Variants in NME8 observed in about 807,000 individuals in gnomAD.
NME8 encodes protein NME8.
A neutral mutation model predicts 82.3 loss-of-function variants in NME8; 72 were observed. The ratio of observed to expected loss-of-function variants is 0.87; its 90% CI spans 0.72 to 1.06. The LOEUF (loss-of-function observed/expected upper bound fraction) is 1.06, where lower values mean the gene tolerates loss of function less well. Ranked by LOEUF, NME8 falls within the 50% of genes least tolerant of loss-of-function variation. NME8 has a pLI of 0.00. For missense variants in NME8, 712 were observed against 685.4 expected (o/e 1.04, Z -0.43); for synonymous variants, 267 against 228.5 (o/e 1.17, Z -1.52).
intron 11 of NME8, among the ~76,000 whole-genome samples, chr7:37,870,504 G>A (rs10263958): frequency 0.44 from 65,333 of 149,850 alleles, 14,727 homozygotes; most frequent in Non-Finnish European, 0.5. Context: ...CAGGAGAATC[G>A]CTTGAACCTG....
intron 12 of NME8, among the ~76,000 whole-genome samples, chr7:37,882,604 AGAGAGAGAG>A (rs1562838288): frequency 0.076 from 3,953 of 52,286 alleles, 102 homozygotes; most frequent in Non-Finnish European, 0.12. Context: ...AGAAAGAGAG[AGAGAGAGAG>A]AGAAAGAAAG....
rs6954013 is a variant in NME8 at position 37,857,596 on chromosome 7, A to C, written c.270+251A>C. 0.67 allele frequency among the ~76,000 whole-genome samples: 102,635 copies of C among 152,088 alleles called. 34,747 individuals are homozygous for C. Among genetic ancestry groups the C allele is most frequent in the Non-Finnish European group, 0.7 (47,605 of 67,970 alleles). ...AGTAAGATGGCGTTTATCTTTACTA[A>C]GGAAATGATCGGAGATTTGCACAAT... On this transcript the variant is annotated intron_variant, in intron 6 of 17. Coordinates refer to ENST00000199447, the MANE Select transcript of NME8 (RefSeq NM_016616.5).
At chr7:37,858,454 CGTT>C (rs1784545056) in intron 6 of NME8, among the ~76,000 whole-genome samples, 2 of 152,030 alleles carry the variant, frequency 1.3e-5, no homozygotes, top group Admixed American at 1.3e-4. Context: ...GGTCAGCTAA[CGTT>C]GTTTTTGTTG....
intron 15 of NME8, among the ~76,000 whole-genome samples, chr7:37,892,349 T>G (rs566334633): frequency 1.1e-3 from 168 of 151,784 alleles, no homozygotes; most frequent in Non-Finnish European, 1.5e-3. Context: ...TTTTTTTTTC[T>G]TAGGGATTTC....
chr7:37,877,475 G>A (rs926395661), intron 12 of NME8, among the ~76,000 whole-genome samples: 3 of 152,080 alleles, frequency 2.0e-5, no homozygotes, highest in African/African-American at 7.2e-5. Flanking sequence ...AGTGAATATG[G>A]CAGAACAAGA....
chr7:37,878,962 C>T (rs1245224016), intron 12 of NME8, among the ~76,000 whole-genome samples: 4 of 151,952 alleles, frequency 2.6e-5, no homozygotes, highest in African/African-American at 9.7e-5. Context: ...CAGGTATTCC[C>T]ATTACAGTAT....
intron 17 of NME8, among the ~76,000 whole-genome samples, chr7:37,900,014 A>G (rs752833509): frequency 3.9e-5 from 6 of 152,188 alleles, no homozygotes; most frequent in Non-Finnish European, 5.9e-5. Flanking sequence ...TCTTACTCAC[A>G]AGTTAATATT....
intron 5 of NME8, among the ~76,000 whole-genome samples, chr7:37,851,882 C>A (rs925809333): frequency 1.8e-4 from 28 of 152,324 alleles, no homozygotes; most frequent in African/African-American, 5.5e-4. Context: ...ACAGGTCTTT[C>A]ATGGCCCCTT....
chr7:37,876,829 C>G lies in NME8; in HGVS notation c.819-3C>G, dbSNP rs1313065577. ...TCTTAAATTATATTTTGGATTTTGA[C>G]AGTTTACAAGAATATCTGGAAAGAC... On this transcript the variant is annotated splice_polypyrimidine_tract_variant and splice_region_variant and intron_variant, in intron 11 of 17. Coordinates refer to ENST00000199447, the MANE Select transcript of NME8 (RefSeq NM_016616.5). The G allele has an allele frequency of 3.1e-6, 5 of 1,605,040 alleles. No individual in the cohort carries two copies. In the Admixed American group the frequency reaches 8.3e-5, roughly 27 times the overall value.
intron 6 of NME8, among the ~76,000 whole-genome samples, chr7:37,859,841 G>A (rs565674850): frequency 2.0e-5 from 3 of 152,150 alleles, no homozygotes; most frequent in East Asian, 3.9e-4. Flanking sequence ...AAACTTCATC[G>A]AATCACTCCT....
At chr7:37,892,111 T>G (rs1785137824) in intron 15 of NME8, among the ~76,000 whole-genome samples, 1 of 152,024 alleles carries the variant, frequency 6.6e-6, no homozygotes, top group African/African-American at 2.4e-5. Context: ...CCATATTTAC[T>G]TTTGTTTCAT....
At chr7:37,864,498 T>C in intron 9 of NME8, 77 bp downstream of exon 9, 1 of 1,358,086 alleles carries the variant, frequency 7.4e-7, no homozygotes, top group Non-Finnish European at 1.0e-6. Flanking sequence ...AAGACAAGCG[T>C]ACCATTTAGA....
At chr7:37,862,508 T>G (rs1259414321) in intron 7 of NME8, among the ~76,000 whole-genome samples, 1 of 152,150 alleles carries the variant, frequency 6.6e-6, no homozygotes, top group Non-Finnish European at 1.5e-5. Flanking sequence ...TTTTTTTTGT[T>G]TTTAAATTGA....
chr7:37,882,587 G>GAA (rs1168752117), intron 12 of NME8, among the ~76,000 whole-genome samples: 1 of 68,918 alleles, frequency 1.5e-5, no homozygotes, highest in Non-Finnish European at 2.9e-5. Flanking sequence ...AAGAAAGAAA[G>GAA]AAAGAAAGAA....
chr7:37,865,603 C>G lies in NME8; in HGVS notation c.607C>G (p.Arg203Gly), dbSNP rs142023810. 5 of 1,608,690 alleles carry G rather than the reference C, an allele frequency of 3.1e-6. No homozygotes were observed. The highest frequency in any genetic ancestry group is 4.3e-6 in the Non-Finnish European group (5 of 1,175,404). Residue 203 changes from arginine (R) to glycine (G), a missense_variant, in exon 10 of 18, where the codon CGA becomes GGA. Physicochemically the swap from Arg to Gly is moderately radical, Grantham distance 125. Transcript: ENST00000199447. ...TEEQVVNFYS[R>G]IADQCDFEEF... ...AGAACAAGTTGTCAACTTCTATAGT[C>G]GAATAGCAGACCAGGTATGAAAGTT...
chr7:37,859,694 G>A (rs887138643), intron 6 of NME8, among the ~76,000 whole-genome samples: 4 of 152,052 alleles, frequency 2.6e-5, no homozygotes, highest in Non-Finnish European at 2.9e-5. Flanking sequence ...AGTCTTTGGC[G>A]TGTGGTTTAA....
intron 2 of NME8, among the ~76,000 whole-genome samples, chr7:37,849,781 G>T (rs1018554800): frequency 6.6e-6 from 1 of 151,138 alleles, no homozygotes; most frequent in Non-Finnish European, 1.5e-5. Context: ...TGAGGCAGGA[G>T]AATCGCTTGA....
intron 11 of NME8, among the ~76,000 whole-genome samples, chr7:37,874,493 AG>A (rs1406079776): frequency 7.1e-4 from 108 of 152,330 alleles, no homozygotes; most frequent in African/African-American, 2.5e-3. Context: ...ATCTGACAAC[AG>A]GGGCAGGAAA....
intron 12 of NME8, among the ~76,000 whole-genome samples, chr7:37,880,535 C>G (rs112106287): frequency 6.6e-6 from 1 of 152,184 alleles, no homozygotes; most frequent in Non-Finnish European, 1.5e-5. Flanking sequence ...TCTGGGCTCT[C>G]TGCTCTGTTC....
Sources: allele counts gnomAD v4.1 joint callset (sites outside exome capture counted in the v4.1 genomes callset), GRCh38; gene constraint gnomAD v4.1.1; transcripts MANE v1.5; gene names NCBI Gene and HGNC (gene_info 2026-07-23, HGNC 2026-07-21).